The following PPP1R12A variants were observed in gnomAD, a reference collection of about 807,000 sequenced individuals.
PPP1R12A encodes the protein myosin binding subunit.
Under a neutral mutation model 139.6 loss-of-function variants are expected in PPP1R12A, and 19 were observed. That is an observed-to-expected ratio of 0.14 (90% CI 0.09 to 0.20). PPP1R12A has a LOEUF of 0.20. Ranked by LOEUF, PPP1R12A falls within the 10% of genes least tolerant of loss-of-function variation. The pLI, the probability that PPP1R12A is intolerant of heterozygous loss-of-function variation, is 1.00. For synonymous variants in PPP1R12A, 427 were observed against 420.6 expected (o/e 1.02, Z -0.19); for missense variants, 925 against 1,211.5 (o/e 0.76, Z 3.51).
At chr12:79,798,419 T>C (rs1592629826) in intron 15 of PPP1R12A, 75 bp downstream of exon 15, 1 of 938,694 alleles carries the variant, frequency 1.1e-6, no homozygotes, top group African/African-American at 1.7e-5. Context: ...AGGTAACTTG[T>C]TTTATGTCAG....
At chr12:79,861,454 A>G (rs1235682092) in intron 2 of PPP1R12A, among the ~76,000 whole-genome samples, 1 of 152,094 alleles carries the variant, frequency 6.6e-6, no homozygotes, top group Non-Finnish European at 1.5e-5. Context: ...TCTCATTGGG[A>G]CTGGTTGGAC....
chr12:79,812,051 AAC>A (rs1348120146), intron 9 of PPP1R12A, among the ~76,000 whole-genome samples: 2 of 152,140 alleles, frequency 1.3e-5, no homozygotes, highest in African/African-American at 4.8e-5. Context: ...ATCCTGTTTC[AAC>A]CTTATAATTA....
chr12:79,933,864 G>C, intron 1 of PPP1R12A, among the ~76,000 whole-genome samples: 1 of 152,252 alleles, frequency 6.6e-6, no homozygotes, highest in East Asian at 1.9e-4. Flanking sequence ...AACCCCAAAA[G>C]AAAAACCAGA....
intron 1 of PPP1R12A, among the ~76,000 whole-genome samples, chr12:79,930,989 T>C (rs1280617808): frequency 1.3e-5 from 2 of 152,168 alleles, no homozygotes; most frequent in African/African-American, 4.8e-5. Context: ...GGAACATCAA[T>C]GAGAAGAGTA....
chr12:79,832,237 G>T, intron 4 of PPP1R12A, 95 bp downstream of exon 4: 1 of 1,210,286 alleles, frequency 8.3e-7, no homozygotes, highest in Non-Finnish European at 1.1e-6. Flanking sequence ...CTTTTATGTT[G>T]CTTCAAAATA....
chr12:79,860,316 A>T (rs936862833), intron 2 of PPP1R12A, among the ~76,000 whole-genome samples: 1 of 152,244 alleles, frequency 6.6e-6, no homozygotes, highest in Admixed American at 6.5e-5. Flanking sequence ...TACAAAAATA[A>T]GGGACAACTC....
chr12:79,780,361 T>C (rs1436346343), intron 23 of PPP1R12A: 2 of 151,850 alleles, frequency 1.3e-5, no homozygotes, highest in East Asian at 1.9e-4. Flanking sequence ...TTATAGAGAG[T>C]GGATTAGCTA....
At chr12:79,806,383 A>G (rs1265348172) in intron 12 of PPP1R12A, 50 bp from the exon 13 acceptor site, 5 of 1,513,712 alleles carry the variant, frequency 3.3e-6, no homozygotes, top group Non-Finnish European at 4.5e-6. Flanking sequence ...TGTGTATTCT[A>G]TAGTTAATGT....
chr12:79,896,753 T>G (rs992637695), intron 1 of PPP1R12A, among the ~76,000 whole-genome samples: 5 of 152,216 alleles, frequency 3.3e-5, no homozygotes, highest in African/African-American at 1.2e-4. Context: ...ATCTTGATCT[T>G]TCCTCATTTG....
At chr12:79,841,345 CT>C (rs1206513527) in intron 3 of PPP1R12A, among the ~76,000 whole-genome samples, 2 of 152,184 alleles carry the variant, frequency 1.3e-5, no homozygotes, top group Admixed American at 6.5e-5. Context: ...CTCACTACAG[CT>C]TTTTCTATTC....
chr12:79,855,725 T>A (rs1050923624), intron 2 of PPP1R12A, among the ~76,000 whole-genome samples: 1 of 151,888 alleles, frequency 6.6e-6, no homozygotes, highest in East Asian at 1.9e-4. Context: ...AAACCACACA[T>A]TTACAGTTAA....
chr12:79,886,042 C>T (rs1055110319), intron 1 of PPP1R12A, among the ~76,000 whole-genome samples: 6 of 152,038 alleles, frequency 3.9e-5, no homozygotes, highest in African/African-American at 1.4e-4. Flanking sequence ...TCAACTGGTA[C>T]AAGCAGAAAT....
At chr12:79,878,527 G>C (rs1262156907) in intron 1 of PPP1R12A, 1 of 152,088 alleles carries the variant, frequency 6.6e-6, no homozygotes, top group Non-Finnish European at 1.5e-5. Context: ...TTTTATATTA[G>C]TCCGTTCTTA....
At chr12:79,900,304 T>TG (rs1461548221) in intron 1 of PPP1R12A, among the ~76,000 whole-genome samples, 3 of 151,992 alleles carry the variant, frequency 2.0e-5, no homozygotes, top group African/African-American at 7.3e-5. Context: ...TGTCCTATAA[T>TG]GATGTCATAT....
chr12:79,859,118 A>G (rs1881014685), intron 2 of PPP1R12A, among the ~76,000 whole-genome samples: 1 of 152,042 alleles, frequency 6.6e-6, no homozygotes, highest in Non-Finnish European at 1.5e-5. Flanking sequence ...GGCAGATCAC[A>G]AGGTCAGGAG....
At chr12:79,791,413 G>A (rs553047902) in intron 19 of PPP1R12A, among the ~76,000 whole-genome samples, 8 of 152,004 alleles carry the variant, frequency 5.3e-5, no homozygotes, top group East Asian at 1.9e-4. Context: ...CTACAGCCTC[G>A]ACCTCCTGGC....
chr12:79,901,765 TAAAC>T (rs1885659698), intron 1 of PPP1R12A, among the ~76,000 whole-genome samples: 1 of 151,856 alleles, frequency 6.6e-6, no homozygotes, highest in Non-Finnish European at 1.5e-5. Flanking sequence ...GCTAGACAAA[TAAAC>T]AAACAAATAA....
At chr12:79,794,232 T>C (rs1305547748) in intron 18 of PPP1R12A, among the ~76,000 whole-genome samples, 2 of 152,074 alleles carry the variant, frequency 1.3e-5, no homozygotes, top group South Asian at 4.1e-4. Context: ...TTTTCCGATT[T>C]CCCCATCTGT....
At chr12:79,818,201 A>G (rs1461056226) in intron 8 of PPP1R12A, among the ~76,000 whole-genome samples, 1 of 152,196 alleles carries the variant, frequency 6.6e-6, no homozygotes, top group African/African-American at 2.4e-5. Context: ...GTCTAGTAGG[A>G]GATATAAATA....
Sources: allele counts gnomAD v4.1 joint callset (sites outside exome capture counted in the v4.1 genomes callset), GRCh38; gene constraint gnomAD v4.1.1; transcripts MANE v1.5; gene names NCBI Gene and HGNC (gene_info 2026-07-23, HGNC 2026-07-21).